LRRC69: variants seen among roughly 807,000 people sequenced by gnomAD.
The protein encoded by LRRC69 is leucine rich repeat containing 69, also known as leucine-rich repeat-containing protein 69.
Under a neutral mutation model 37.8 loss-of-function variants are expected in LRRC69, and 42 were observed. The ratio of observed to expected loss-of-function variants is 1.11; its 90% CI spans 0.87 to 1.44. The LOEUF (loss-of-function observed/expected upper bound fraction) is 1.44. Ranked by LOEUF, LRRC69 falls within the 40% of genes most tolerant of loss-of-function variation. LRRC69 has a pLI of 0.00. For synonymous variants in LRRC69, 141 were observed against 143.1 expected, an observed-to-expected ratio of 0.99 and a Z score of 0.11; for missense variants, 357 against 401.9, an observed-to-expected ratio of 0.89 and a Z score of 0.96.
At chr8:91,216,100 T>C (rs908315528) in intron 7 of LRRC69, among the ~76,000 whole-genome samples, 11 of 152,104 alleles carry the variant, frequency 7.2e-5, no homozygotes, top group African/African-American at 2.7e-4. Flanking sequence ...GTATAAGAAA[T>C]AGAAATTATT....
intron 1 of LRRC69, among the ~76,000 whole-genome samples, chr8:91,122,270 G>A (rs1013417433): frequency 5.9e-5 from 9 of 152,014 alleles, no homozygotes; most frequent in African/African-American, 2.2e-4. Flanking sequence ...GTTAACAGAG[G>A]CACTGGCTGG....
chr8:91,134,315 G>T (rs879247893), intron 4 of LRRC69, among the ~76,000 whole-genome samples: 3 of 151,504 alleles, frequency 2.0e-5, no homozygotes, highest in African/African-American at 4.8e-5. Flanking sequence ...GAAGCAAACG[G>T]TGTAATTCTC....
chr8:91,135,741 T>C lies in LRRC69; in HGVS notation c.651+2T>C. 1 of 1,399,688 alleles carries C rather than the reference T, an allele frequency of 7.1e-7. No individual in the cohort carries two copies. The highest frequency in any genetic ancestry group is 9.4e-7 in the Non-Finnish European group (1 of 1,066,852). The allele number at this position is 1,399,688 out of a possible 1,614,324, so 86.7% of individuals were successfully genotyped here. On this transcript the variant is annotated splice_donor_variant, in intron 5 of 7. Coordinates refer to ENST00000448384, the Ensembl canonical transcript of LRRC69. LOFTEE classifies it high-confidence loss of function. ...ATTATTCAGATATTTCCATCAGGAG[T>C]AAGTAGAGTCAACTTCCATTATAAT...
chr8:91,118,994 T>C (rs1265693837), intron 1 of LRRC69, among the ~76,000 whole-genome samples: 1 of 152,048 alleles, frequency 6.6e-6, no homozygotes, highest in East Asian at 1.9e-4. Context: ...TCTTGTTGTC[T>C]TTTTTTCATA....
intron 5 of LRRC69, among the ~76,000 whole-genome samples, chr8:91,183,683 T>C (rs1809360142): frequency 6.6e-6 from 1 of 151,928 alleles, no homozygotes; most frequent in Non-Finnish European, 1.5e-5. Context: ...ATTTCATGAC[T>C]GGGCAAAGAA....
chr8:91,191,043 C>CG (rs1199297860), intron 6 of LRRC69, among the ~76,000 whole-genome samples: 5 of 24,580 alleles, frequency 2.0e-4, no homozygotes, highest in African/African-American at 6.0e-4. Flanking sequence ...TGTCTCAAAC[C>CG]CCCCCCCCCC....
At chr8:91,104,868 A>C (rs1356599793) in intron 1 of LRRC69, among the ~76,000 whole-genome samples, 1 of 152,078 alleles carries the variant, frequency 6.6e-6, no homozygotes, top group African/African-American at 2.4e-5. Context: ...CTTGGTTAAT[A>C]GTTGTTTAGT....
chr8:91,141,548 A>G (rs1048511774), intron 5 of LRRC69, among the ~76,000 whole-genome samples: 3 of 152,104 alleles, frequency 2.0e-5, no homozygotes, highest in African/African-American at 4.8e-5. Context: ...TTCCAATTCC[A>G]TAAACAATTA....
intron 5 of LRRC69, among the ~76,000 whole-genome samples, chr8:91,154,978 C>T (rs1270366934): frequency 6.6e-6 from 1 of 151,386 alleles, no homozygotes; most frequent in Non-Finnish European, 1.5e-5. Flanking sequence ...AAAACCCCGT[C>T]GTCTCAACCC....
chr8:91,166,840 A>G (rs1196341058), intron 5 of LRRC69, among the ~76,000 whole-genome samples: 4 of 151,890 alleles, frequency 2.6e-5, no homozygotes, highest in Non-Finnish European at 4.4e-5. Flanking sequence ...GCCTCCACAG[A>G]GGAAGCTCAA....
chr8:91,119,864 G>A (rs1813586440), intron 1 of LRRC69, among the ~76,000 whole-genome samples: 1 of 151,798 alleles, frequency 6.6e-6, no homozygotes, highest in Non-Finnish European at 1.5e-5. Context: ...CCTTGATGAA[G>A]AGCCCTTTCA....
rs1013078280 is a variant in LRRC69 at position 91,195,536 on chromosome 8, G to T, written c.754-5077G>T. Among the ~76,000 whole-genome samples, 14 of 150,254 alleles carry T rather than the reference G, an allele frequency of 9.3e-5. 1 individual carries two copies. The highest frequency in any genetic ancestry group is 2.0e-4 in the Admixed American group (3 of 15,146). ...TATGAATCTGGGTGCTCCTGTATTG[G>T]GTGCATATATATTTAGGATAGTTAG... On this transcript the variant is annotated intron_variant, in intron 6 of 7. Coordinates refer to ENST00000448384, the Ensembl canonical transcript of LRRC69.
intron 7 of LRRC69, among the ~76,000 whole-genome samples, chr8:91,201,078 A>G (rs948323185): frequency 7.9e-5 from 12 of 152,232 alleles, no homozygotes; most frequent in Non-Finnish European, 1.8e-4. Flanking sequence ...ATGAATATTA[A>G]TAATAAAACC....
intron 5 of LRRC69, chr8:91,139,161 TA>T (rs1263567870): frequency 3.3e-5 from 5 of 151,872 alleles, no homozygotes; most frequent in African/African-American, 1.2e-4. Flanking sequence ...TATTTTAACT[TA>T]AAAAAATAAA....
At chr8:91,193,799 G>T (rs1809544853) in intron 6 of LRRC69, among the ~76,000 whole-genome samples, 9 of 136,742 alleles carry the variant, frequency 6.6e-5, no homozygotes, top group Admixed American at 1.5e-4. Flanking sequence ...TGCAAACAGG[G>T]ACAATTTGAC....
chr8:91,184,979 G>A (rs1809382207), intron 5 of LRRC69, among the ~76,000 whole-genome samples: 1 of 152,132 alleles, frequency 6.6e-6, no homozygotes, highest in African/African-American at 2.4e-5. Context: ...GAAACCACTG[G>A]GTGGTTGTAA....
At chr8:91,133,807 A>G (rs968605403) in intron 4 of LRRC69, among the ~76,000 whole-genome samples, 3 of 151,646 alleles carry the variant, frequency 2.0e-5, no homozygotes, top group African/African-American at 7.3e-5. Flanking sequence ...GCTGATTTTT[A>G]TAATTTAGTA....
downstream of LRRC69, chr8:91,219,048 C>A: frequency 9.9e-7 from 1 of 1,011,132 alleles, no homozygotes; most frequent in African/African-American, 1.6e-5. Context: ...GCCCTGTCAG[C>A]TCTGCATACA....
intron 7 of LRRC69, among the ~76,000 whole-genome samples, chr8:91,217,813 GA>G (rs970660004): frequency 3.3e-5 from 5 of 152,060 alleles, no homozygotes; most frequent in Non-Finnish European, 5.9e-5. Flanking sequence ...ATCTTTGTAG[GA>G]AAAAAGTCAG....
Sources: gnomAD v4.1 joint callset for allele counts (sites outside exome capture counted in the v4.1 genomes callset) on GRCh38, gnomAD v4.1.1 for gene constraint, MANE v1.5 for transcripts, NCBI Gene and HGNC (gene_info 2026-07-23, HGNC 2026-07-21) for gene names.